The following TOM1L2 variants were observed in gnomAD, a reference collection of about 807,000 sequenced individuals.
TOM1L2 encodes the protein target of myb1 like 2 membrane trafficking protein.
TOM1L2 carries 31 observed loss-of-function variants against 67.9 expected under a neutral mutation model. The observed-to-expected ratio is 0.46, with a 90% confidence interval of 0.34 to 0.62. The LOEUF (loss-of-function observed/expected upper bound fraction) is 0.62. Among genes scored for constraint, TOM1L2 ranks in the 20% least tolerant of loss-of-function variants. TOM1L2 has a pLI of 0.01. For missense variants in TOM1L2, 606 were observed against 663.5 expected (o/e 0.91, Z 0.95); for synonymous variants, 256 against 254.0 (o/e 1.01, Z -0.07).
chr17:17,876,305 C>T (rs1395548569), intron 7 of TOM1L2, among the ~76,000 whole-genome samples: 1 of 152,166 alleles, frequency 6.6e-6, no homozygotes, highest in East Asian at 1.9e-4. Flanking sequence ...AGAAGTGACG[C>T]AGCAGGGTTT....
At chr17:17,906,131 CATTTTT>C (rs895690550) in intron 2 of TOM1L2, among the ~76,000 whole-genome samples, 3 of 147,170 alleles carry the variant, frequency 2.0e-5, no homozygotes, top group African/African-American at 7.6e-5. Flanking sequence ...CTTCTCTTTT[CATTTTT>C]TTTTTTTTTG....
Position 17,847,577 on chromosome 17 carries a change from G to T in TOM1L2, c.*58C>A. The T allele has an allele frequency of 6.5e-7, 1 of 1,548,404 alleles. No homozygotes were observed. The highest frequency in any genetic ancestry group is 1.2e-5 in the South Asian group (1 of 80,592). Reference sequence around the variant, plus strand: ...GGGGATGTAGGAGTGGCCAGTGCCCGGTGTCCACGGGGTGCGAGCGGGGAC... The same window carrying T: ...GGGGATGTAGGAGTGGCCAGTGCCCTGTGTCCACGGGGTGCGAGCGGGGAC... On this transcript the variant is annotated 3_prime_UTR_variant, in exon 15 of 15. Coordinates refer to ENST00000379504, the MANE Select transcript of TOM1L2 (RefSeq NM_001082968.2).
chr17:17,863,032 G>A (rs2036647713), intron 10 of TOM1L2, among the ~76,000 whole-genome samples, 184 bp from the exon 11 acceptor site: 1 of 152,160 alleles, frequency 6.6e-6, no homozygotes, highest in Non-Finnish European at 1.5e-5. Flanking sequence ...CCAGATGGGG[G>A]ACAGAACAGC....
At chr17:17,861,297 G>A (rs548844926) in intron 12 of TOM1L2, among the ~76,000 whole-genome samples, 179 bp downstream of exon 12, 32 of 152,252 alleles carry the variant, frequency 2.1e-4, no homozygotes, top group African/African-American at 7.2e-4. Flanking sequence ...ACGGGGTGAG[G>A]TGAAGACTCA....
At chr17:17,946,816 C>T (rs1432542981) in intron 1 of TOM1L2, among the ~76,000 whole-genome samples, 2 of 152,154 alleles carry the variant, frequency 1.3e-5, no homozygotes, top group Non-Finnish European at 2.9e-5. Context: ...CCTCTGCCTC[C>T]TGGGTTCAAG....
intron 1 of TOM1L2, among the ~76,000 whole-genome samples, chr17:17,921,451 T>C (rs2039864858): frequency 6.6e-6 from 1 of 152,186 alleles, no homozygotes; most frequent in South Asian, 2.1e-4. Flanking sequence ...CCGTTCTTTG[T>C]ACTTAATGGA....
At chr17:17,867,027 G>T (rs939887776) in intron 8 of TOM1L2, 103 bp from the exon 9 acceptor site, 4 of 1,097,726 alleles carry the variant, frequency 3.6e-6, no homozygotes, top group Non-Finnish European at 5.6e-6. Context: ...ACCAAGACCA[G>T]CCAGTCCCAC....
At chr17:17,940,058 T>C (rs1568332844) in intron 1 of TOM1L2, among the ~76,000 whole-genome samples, 2 of 151,940 alleles carry the variant, frequency 1.3e-5, no homozygotes, top group Non-Finnish European at 2.9e-5. Flanking sequence ...CCAGGTGTGG[T>C]GGCGGGTGCC....
At chr17:17,894,165 G>A (rs889903296) in intron 3 of TOM1L2, among the ~76,000 whole-genome samples, 5 of 152,204 alleles carry the variant, frequency 3.3e-5, no homozygotes, top group African/African-American at 1.2e-4. Context: ...CTGGGCCTCT[G>A]GGTATAAGGC....
At chr17:17,863,634 T>C (rs943203864) in intron 10 of TOM1L2, among the ~76,000 whole-genome samples, 1 of 151,592 alleles carries the variant, frequency 6.6e-6, no homozygotes, top group Admixed American at 6.6e-5. Context: ...ACTTTAGCCT[T>C]GACCTCCCGG....
chr17:17,939,785 AAG>A (rs1458546184), intron 1 of TOM1L2, among the ~76,000 whole-genome samples: 5 of 152,224 alleles, frequency 3.3e-5, no homozygotes, highest in Non-Finnish European at 5.9e-5. Flanking sequence ...AATGTAATGA[AAG>A]TATAAGTAAG....
chr17:17,948,475 C>T (rs1327311110), intron 1 of TOM1L2, among the ~76,000 whole-genome samples: 3 of 152,068 alleles, frequency 2.0e-5, no homozygotes, highest in Non-Finnish European at 4.4e-5. Context: ...GGTGAAACCC[C>T]GTCTCTACTA....
chr17:17,950,546 C>T (rs979396576), intron 1 of TOM1L2, among the ~76,000 whole-genome samples: 3 of 152,046 alleles, frequency 2.0e-5, no homozygotes, highest in Non-Finnish European at 4.4e-5. Flanking sequence ...TGGCACTGCA[C>T]CTGGTCGCTG....
At chr17:17,937,007 C>T (rs1224643743) in intron 1 of TOM1L2, among the ~76,000 whole-genome samples, 4 of 152,172 alleles carry the variant, frequency 2.6e-5, no homozygotes, top group Admixed American at 6.5e-5. Context: ...TGTACCCTGC[C>T]GTGCTGACCT....
chr17:17,844,912 A>C lies in TOM1L2; in HGVS notation c.*2723T>G, dbSNP rs1029783658. The C allele has an allele frequency of 3.3e-5, 5 of 152,478 alleles. No individual in the cohort carries two copies. The highest frequency in any genetic ancestry group is 1.2e-4 in the African/African-American group (5 of 41,468). The allele number at this position is 152,478 out of a possible 1,614,324, so 9.4% of individuals were successfully genotyped here. A position where few individuals can be genotyped will look rare whatever the true frequency, so the allele number is the denominator to read the frequency against. On this transcript the variant is annotated 3_prime_UTR_variant, in exon 15 of 15. Transcript: ENST00000379504. ...TCCCAGCAATAATTTAGTGTAATTAAGTATATACTGTATCTGTGATTTCTA... is the reference window on the plus strand; with the variant it reads ...TCCCAGCAATAATTTAGTGTAATTACGTATATACTGTATCTGTGATTTCTA...
chr17:17,945,660 G>C (rs952837511), intron 1 of TOM1L2, among the ~76,000 whole-genome samples: 1 of 152,130 alleles, frequency 6.6e-6, no homozygotes, highest in African/African-American at 2.4e-5. Context: ...GAGCAAAAGT[G>C]ACCTTAATAT....
chr17:17,935,152 T>A (rs1015443170), intron 1 of TOM1L2, among the ~76,000 whole-genome samples: 1 of 152,246 alleles, frequency 6.6e-6, no homozygotes, highest in Non-Finnish European at 1.5e-5. Flanking sequence ...TCAGGAAGCC[T>A]CTGTGGCTAT....
At chr17:17,851,000 G>T in intron 12 of TOM1L2, 48 bp from the exon 13 acceptor site, 1 of 1,601,446 alleles carries the variant, frequency 6.2e-7, no homozygotes, top group Non-Finnish European at 8.5e-7. Flanking sequence ...CACAGCCAGC[G>T]AGGGGAGACA....
At chr17:17,931,203 T>C (rs527726252) in intron 1 of TOM1L2, among the ~76,000 whole-genome samples, 13 of 152,264 alleles carry the variant, frequency 8.5e-5, no homozygotes, top group Admixed American at 7.9e-4. Context: ...CGTTACTACC[T>C]ATTTTTACCC....
Sources: allele counts gnomAD v4.1 joint callset (sites outside exome capture counted in the v4.1 genomes callset), GRCh38; gene constraint gnomAD v4.1.1; transcripts MANE v1.5; gene names NCBI Gene and HGNC (gene_info 2026-07-23, HGNC 2026-07-21).